TPRG1: variants seen among roughly 807,000 people sequenced by gnomAD.
TPRG1 encodes tumor protein p63-regulated gene 1 protein.
TPRG1 carries 29 observed loss-of-function variants against 29.3 expected under a neutral mutation model. The observed-to-expected ratio is 0.99, with a 90% CI of 0.74 to 1.35. The LOEUF is 1.35. Among genes scored for constraint, TPRG1 ranks in the 40% most tolerant of loss-of-function variants. The pLI is 0.00. For missense variants in TPRG1, 327 were observed against 335.0 expected (o/e 0.98, Z 0.19); for synonymous variants, 130 against 116.8 (o/e 1.11, Z -0.73).
intron 4 of TPRG1, among the ~76,000 whole-genome samples, chr3:189,301,176 G>T (rs924554971): frequency 6.6e-6 from 1 of 151,796 alleles, no homozygotes; most frequent in African/African-American, 2.4e-5. Flanking sequence ...TCACACGCCT[G>T]TAGTCCCAGC....
chr3:189,239,369 CT>C (rs1740133103), intron 4 of TPRG1, among the ~76,000 whole-genome samples: 1 of 152,194 alleles, frequency 6.6e-6, no homozygotes, highest in Non-Finnish European at 1.5e-5. Flanking sequence ...TTACCTCCCC[CT>C]GGTTCCCTCC....
chr3:189,069,353 G>T (rs1716668647), intron 4 of TPRG1, among the ~76,000 whole-genome samples: 1 of 152,186 alleles, frequency 6.6e-6, no homozygotes. Flanking sequence ...AAAGGTAGGA[G>T]TGGGCCAGAC....
intron 1 of TPRG1, among the ~76,000 whole-genome samples, chr3:189,114,363 A>G (rs1720926233): frequency 6.6e-6 from 1 of 151,906 alleles, no homozygotes; most frequent in Non-Finnish European, 1.5e-5. Context: ...GCTCACTGCA[A>G]CCTCTGCCTC....
chr3:189,297,444 A>G (rs763561329), intron 4 of TPRG1, among the ~76,000 whole-genome samples: 20 of 152,128 alleles, frequency 1.3e-4, no homozygotes, highest in Non-Finnish European at 5.9e-5. Flanking sequence ...AGGAGCCCTC[A>G]GGGCCAAGGA....
intron 4 of TPRG1, among the ~76,000 whole-genome samples, chr3:189,056,874 G>A (rs1306510136): frequency 6.6e-6 from 1 of 152,122 alleles, no homozygotes; most frequent in Non-Finnish European, 1.5e-5. Flanking sequence ...TGGTGCTTTG[G>A]AAAGCCTCAG....
At chr3:189,089,247 G>A (rs1346579739) in intron 4 of TPRG1, among the ~76,000 whole-genome samples, 2 of 152,062 alleles carry the variant, frequency 1.3e-5, no homozygotes, top group Admixed American at 1.3e-4. Flanking sequence ...AATCACATGG[G>A]ATTCCTTTAA....
chr3:189,200,169 G>A (rs150129269), intron 1 of TPRG1, among the ~76,000 whole-genome samples: 19 of 152,334 alleles, frequency 1.2e-4, no homozygotes, highest in African/African-American at 4.6e-4. Context: ...CCCAGGTGGA[G>A]CTGGGAAGGG....
chr3:189,207,823 C>T (rs919593956), intron 2 of TPRG1, among the ~76,000 whole-genome samples: 1 of 152,200 alleles, frequency 6.6e-6, no homozygotes, highest in African/African-American at 2.4e-5. Context: ...AGAAGTGTGT[C>T]CTCGAGCTTC....
intron 5 of TPRG1, 141 bp downstream of exon 5, chr3:189,310,680 T>C: frequency 2.3e-6 from 1 of 439,924 alleles, no homozygotes; most frequent in Non-Finnish European, 3.5e-6. Flanking sequence ...CAGCAATTTA[T>C]ATAGACAAAA....
intron 4 of TPRG1, among the ~76,000 whole-genome samples, chr3:189,258,827 C>T (rs575570831): frequency 3.3e-5 from 5 of 152,256 alleles, no homozygotes; most frequent in African/African-American, 1.2e-4. Flanking sequence ...CCTACTCAAG[C>T]CTTAGTAATG....
chr3:189,007,834 G>A (rs1423679560), intron 3 of TPRG1, among the ~76,000 whole-genome samples: 47 of 139,804 alleles, frequency 3.4e-4, no homozygotes, highest in African/African-American at 1.2e-3. Context: ...ACTCATAGGT[G>A]GGAATTGAAC....
chr3:189,317,199 T>TGATAATCCAGACTTTG (rs1248197758), intron 5 of TPRG1, among the ~76,000 whole-genome samples: 1 of 152,212 alleles, frequency 6.6e-6, no homozygotes, highest in Non-Finnish European at 1.5e-5. Flanking sequence ...AAAGGCATCC[T>TGATAATCCAGACTTTG]GATAATCCAG....
intron 3 of TPRG1, among the ~76,000 whole-genome samples, chr3:189,145,461 A>C (rs1725146186): frequency 6.6e-6 from 1 of 152,076 alleles, no homozygotes; most frequent in African/African-American, 2.4e-5. Context: ...CTGGCATTGG[A>C]GAGAGAATGG....
chr3:189,087,171 T>G (rs1294149624), intron 4 of TPRG1, among the ~76,000 whole-genome samples: 13 of 152,146 alleles, frequency 8.5e-5, no homozygotes, highest in East Asian at 5.8e-4. Flanking sequence ...AGCACCTGTT[T>G]TTTCCTGACT....
At chr3:189,310,229 T>A in intron 4 of TPRG1, 157 bp from the exon 5 acceptor site, 1 of 527,194 alleles carries the variant, frequency 1.9e-6, no homozygotes, top group Non-Finnish European at 3.1e-6. Flanking sequence ...TTCCTATTTT[T>A]AAAACCTAAT....
intron 1 of TPRG1, among the ~76,000 whole-genome samples, chr3:189,179,306 A>T (rs920185521): frequency 3.9e-5 from 6 of 152,206 alleles, no homozygotes; most frequent in African/African-American, 1.4e-4. Context: ...TTTGATCCAG[A>T]ATGGAAAGCT....
intron 4 of TPRG1, among the ~76,000 whole-genome samples, chr3:189,028,166 G>A (rs765548324): frequency 6.6e-6 from 1 of 152,132 alleles, no homozygotes; most frequent in Non-Finnish European, 1.5e-5. Flanking sequence ...TTATATAATC[G>A]TACTCCATGA....
intron 4 of TPRG1, among the ~76,000 whole-genome samples, chr3:189,249,342 A>C (rs1034684740): frequency 3.3e-5 from 5 of 151,828 alleles, no homozygotes; most frequent in African/African-American, 1.2e-4. Context: ...TATAGAGTTT[A>C]ATTACTTTAA....
intron 4 of TPRG1, among the ~76,000 whole-genome samples, chr3:189,051,572 T>G (rs1715321846): frequency 6.6e-6 from 1 of 152,124 alleles, no homozygotes; most frequent in Non-Finnish European, 1.5e-5. Context: ...AGGATCTTTC[T>G]TCACAGAATT....
Sources: allele counts gnomAD v4.1 joint callset (sites outside exome capture counted in the v4.1 genomes callset), GRCh38; gene constraint gnomAD v4.1.1; transcripts MANE v1.5; gene names NCBI Gene and HGNC (gene_info 2026-07-23, HGNC 2026-07-21).